Variants in GALNT10 observed in about 807,000 individuals in gnomAD.
GALNT10 encodes polypeptide N-acetylgalactosaminyltransferase 10.
GALNT10 carries 41 observed loss-of-function variants against 75.0 expected under a neutral mutation model. The observed-to-expected ratio is 0.55, with a 90% CI of 0.43 to 0.71. The LOEUF (loss-of-function observed/expected upper bound fraction) is 0.71. Ranked by LOEUF, GALNT10 falls within the 30% of genes least tolerant of loss-of-function variation. The pLI is 0.00. For synonymous variants in GALNT10, 302 were observed against 313.0 expected (o/e 0.96, Z 0.37); for missense variants, 727 against 818.5 (o/e 0.89, Z 1.36).
chr5:154,192,233 C>G (rs1474124321), intron 1 of GALNT10, among the ~76,000 whole-genome samples: 2 of 152,184 alleles, frequency 1.3e-5, no homozygotes. Flanking sequence ...ACAGAGGGCT[C>G]TTTGCTACAG....
chr5:154,397,404 A>G (rs2113203440), intron 7 of GALNT10, among the ~76,000 whole-genome samples: 1 of 152,204 alleles, frequency 6.6e-6, no homozygotes, highest in African/African-American at 2.4e-5. Context: ...CCCACAGGAC[A>G]CCATATGGAT....
chr5:154,255,857 C>T (rs1029021129), intron 1 of GALNT10, among the ~76,000 whole-genome samples: 1 of 151,588 alleles, frequency 6.6e-6, no homozygotes, highest in African/African-American at 2.4e-5. Context: ...CCTCCCCTCC[C>T]CTCTCCTCCT....
intron 1 of GALNT10, among the ~76,000 whole-genome samples, chr5:154,285,566 A>T (rs1253509272): frequency 1.3e-5 from 2 of 151,730 alleles, no homozygotes; most frequent in African/African-American, 4.9e-5. Context: ...CTATTTCTTG[A>T]CTCAAACCCA....
intron 4 of GALNT10, among the ~76,000 whole-genome samples, chr5:154,330,632 A>G: frequency 6.6e-6 from 1 of 152,176 alleles, no homozygotes; most frequent in East Asian, 1.9e-4. Flanking sequence ...TGGGGCCAAA[A>G]GTGAAATCTA....
intron 1 of GALNT10, among the ~76,000 whole-genome samples, chr5:154,210,379 CAT>C (rs1297450641): frequency 4.1e-5 from 5 of 122,106 alleles, no homozygotes; most frequent in Non-Finnish European, 8.3e-5. Context: ...TGCACACACA[CAT>C]GCATACACAC....
At chr5:154,246,709 G>A (rs891788335) in intron 1 of GALNT10, among the ~76,000 whole-genome samples, 2 of 151,976 alleles carry the variant, frequency 1.3e-5, no homozygotes, top group African/African-American at 2.4e-5. Flanking sequence ...CTGGATATTA[G>A]CCCTTTGTCA....
In GALNT10 at chr5:154,293,594, G is replaced by GATATATAT. The variant is rs754824803; in HGVS notation, c.160-1209_160-1202dup. Among the ~76,000 whole-genome samples the GATATATAT allele has an allele frequency of 1.9e-4, 27 of 140,708 alleles. 1 individual carries two copies. Among genetic ancestry groups the GATATATAT allele is most frequent in the African/African-American group, 7.7e-4 (27 of 34,894 alleles). 92.3% of individuals were successfully genotyped at this position (140,708 alleles called of 152,430 possible). ...CCCTGGGGGCTGCTCTCTTGGGGCT[G>GATATATAT]ATATATATATATATATATATTTTTT... On this transcript the variant is annotated intron_variant, in intron 1 of 11. Transcript: ENST00000297107.
chr5:154,242,070 G>T (rs1753344802), intron 1 of GALNT10, among the ~76,000 whole-genome samples: 1 of 152,170 alleles, frequency 6.6e-6, no homozygotes, highest in Non-Finnish European at 1.5e-5. Flanking sequence ...CTGGCTCTGT[G>T]AAGTGGGCAG....
chr5:154,234,886 C>T (rs564109574), intron 1 of GALNT10, among the ~76,000 whole-genome samples: 9 of 152,324 alleles, frequency 5.9e-5, no homozygotes, highest in African/African-American at 9.6e-5. Flanking sequence ...GGAATACTTT[C>T]GAGGAGGCCT....
At chr5:154,201,940 A>G (rs1329256855) in intron 1 of GALNT10, among the ~76,000 whole-genome samples, 4 of 150,938 alleles carry the variant, frequency 2.7e-5, no homozygotes, top group Non-Finnish European at 4.4e-5. Context: ...AGGAAAAGAA[A>G]AAAAAAAAAA....
intron 3 of GALNT10, among the ~76,000 whole-genome samples, chr5:154,317,583 C>T (rs1754612791): frequency 6.6e-6 from 1 of 152,172 alleles, no homozygotes; most frequent in African/African-American, 2.4e-5. Flanking sequence ...GCAGACAGAA[C>T]CTGCCCACTT....
At chr5:154,307,082 A>T (rs376098857) in intron 3 of GALNT10, among the ~76,000 whole-genome samples, 18 of 152,360 alleles carry the variant, frequency 1.2e-4, no homozygotes, top group African/African-American at 4.1e-4. Context: ...TTCTATAACT[A>T]TTAAGAGAAT....
Position 154,416,455 on chromosome 5 carries a change from AAAT to A in GALNT10, c.1654-356_1654-354del, listed in dbSNP as rs1456687115. On this transcript the variant is annotated intron_variant, in intron 11 of 11. Transcript: ENST00000297107. This position sits in a 1 kb window ranked among gnomAD's most constrained non-coding sequence, Gnocchi z 4.5. ...CTCAAAAAAATTAAAAAAATTAAAA[AAAT>A]AAAAGATAAAAGGAAAGCACATACA... is the stretch of plus-strand genomic sequence containing the variant. Among the ~76,000 whole-genome samples, 1 of 148,654 alleles carries A rather than the reference AAAT, an allele frequency of 6.7e-6. No homozygotes were observed. Among genetic ancestry groups the A allele is most frequent in the Non-Finnish European group, 1.5e-5 (1 of 67,664 alleles).
intron 1 of GALNT10, among the ~76,000 whole-genome samples, chr5:154,256,093 G>C (rs1346385754): frequency 6.6e-6 from 1 of 152,044 alleles, no homozygotes; most frequent in Non-Finnish European, 1.5e-5. Flanking sequence ...TCTCAAGGTA[G>C]ACAAAAACAG....
intron 3 of GALNT10, among the ~76,000 whole-genome samples, chr5:154,310,493 A>T (rs1436892505): frequency 6.6e-6 from 1 of 151,610 alleles, no homozygotes; most frequent in Non-Finnish European, 1.5e-5. Flanking sequence ...TTTTTGAGAC[A>T]GAGTCTCGCT....
intron 1 of GALNT10, among the ~76,000 whole-genome samples, chr5:154,204,779 G>A (rs1290486032): frequency 2.0e-5 from 3 of 152,202 alleles, no homozygotes; most frequent in African/African-American, 4.8e-5. Flanking sequence ...CCCACTCTGC[G>A]ACTTGATCAA....
rs1290491622 is a variant in GALNT10, at chr5:154,416,811, T to C, written c.1654-3T>C. The C allele has an allele frequency of 6.2e-7, 1 of 1,611,260 alleles. No individual in the cohort carries two copies. The highest frequency in any genetic ancestry group is 1.1e-5 in the South Asian group (1 of 90,996). Reference sequence around the variant, plus strand: ...TCTGGCTTATTACCTCCATGTTTTGTAGGACAAGACCCTGTACCACCCTGT... The same window carrying C: ...TCTGGCTTATTACCTCCATGTTTTGCAGGACAAGACCCTGTACCACCCTGT... On this transcript the variant is annotated splice_region_variant and splice_polypyrimidine_tract_variant and intron_variant, in intron 11 of 11. Coordinates refer to ENST00000297107, the MANE Select transcript of GALNT10 (RefSeq NM_198321.4). The surrounding 1 kb of genome is among the most constrained non-coding windows in gnomAD (Gnocchi z 4.5).
At chr5:154,375,803 G>A (rs998376136) in intron 4 of GALNT10, among the ~76,000 whole-genome samples, 1 of 152,148 alleles carries the variant, frequency 6.6e-6, no homozygotes, top group Non-Finnish European at 1.5e-5. Flanking sequence ...GCCAAATAAG[G>A]TCACATGACC....
At chr5:154,196,959 C>G (rs557858600) in intron 1 of GALNT10, among the ~76,000 whole-genome samples, 1 of 152,166 alleles carries the variant, frequency 6.6e-6, no homozygotes, top group African/African-American at 2.4e-5. Flanking sequence ...GTGTTCCAGG[C>G]AGTAATCACT....
Sources: allele counts gnomAD v4.1 joint callset (sites outside exome capture counted in the v4.1 genomes callset), GRCh38; gene constraint gnomAD v4.1.1; non-coding constraint Gnocchi (gnomAD v3.1); transcripts MANE v1.5; gene names NCBI Gene and HGNC (gene_info 2026-07-23, HGNC 2026-07-21).